OPA1: variants seen among roughly 807,000 people sequenced by gnomAD.
The protein encoded by OPA1 is dynamin-like GTPase OPA1, mitochondrial.
A neutral mutation model predicts 152.9 loss-of-function variants in OPA1; 59 were observed. The ratio of observed to expected loss-of-function variants is 0.39; its 90% CI spans 0.31 to 0.48. OPA1 has a LOEUF of 0.48. Ranked by LOEUF, OPA1 falls within the 20% of genes least tolerant of loss-of-function variation. The pLI is 0.96. For missense variants in OPA1, 1,008 were observed against 1,216.8 expected (o/e 0.83, Z 2.55); for synonymous variants, 400 against 389.9 (o/e 1.03, Z -0.31).
At chr3:193,620,773 GTTA>G (rs1729912913) in intron 6 of OPA1, among the ~76,000 whole-genome samples, 1 of 152,134 alleles carries the variant, frequency 6.6e-6, no homozygotes, top group African/African-American at 2.4e-5. Context: ...TTCAAATTCT[GTTA>G]TTAATAATAT....
Position 193,627,664 on chromosome 3 carries a change from A to G in OPA1, c.789+1462A>G, listed in dbSNP as rs188414204. 3.9e-5 allele frequency among the ~76,000 whole-genome samples: 6 copies of G among 152,316 alleles called. No individual in the cohort carries two copies. The East Asian group carries it at 1.2e-3, about 29-fold the overall frequency. On this transcript the variant is annotated intron_variant, in intron 7 of 30. Transcript: ENST00000361510. Reference sequence around the variant, plus strand: ...TATTTAACATTCTAAGATATGACTTAAGGTTAATGATGAGCTTTTGAATCT... The same window carrying G: ...TATTTAACATTCTAAGATATGACTTGAGGTTAATGATGAGCTTTTGAATCT...
chr3:193,597,646 G>C lies in OPA1; in HGVS notation c.32+4237G>C, dbSNP rs866874043. On this transcript the variant is annotated intron_variant, in intron 1 of 30. Transcript: ENST00000361510. The stretch of plus-strand genomic sequence containing the variant: ...GCGGAGGTTGCAGTGAGCAGAGATC[G>C]AGCCACTGCACTCCAACCTGGGTGA... Among the ~76,000 whole-genome samples, 2 of 145,018 alleles carry C rather than the reference G, an allele frequency of 1.4e-5. 1 individual carries two copies. Among genetic ancestry groups the C allele is most frequent in the African/African-American group, 5.2e-5 (2 of 38,696 alleles).
At chr3:193,622,901 T>C (rs1730409423) in intron 6 of OPA1, among the ~76,000 whole-genome samples, 1 of 152,184 alleles carries the variant, frequency 6.6e-6, no homozygotes, top group Non-Finnish European at 1.5e-5. Flanking sequence ...CCCTCAATTT[T>C]TTGCTCTCAT....
chr3:193,604,971 C>T (rs1011195569), intron 1 of OPA1, among the ~76,000 whole-genome samples: 4 of 152,010 alleles, frequency 2.6e-5, no homozygotes, highest in South Asian at 4.1e-4. Context: ...AATTTCCGGG[C>T]ACTCCTTAAT....
intron 21 of OPA1, 105 bp downstream of exon 21, chr3:193,648,976 C>A: frequency 1.2e-6 from 1 of 831,952 alleles, no homozygotes; most frequent in Non-Finnish European, 2.1e-6. Context: ...GTTGCCTTGG[C>A]TCATAGGCAA....
At chr3:193,662,004 G>C (rs1359681685) in intron 25 of OPA1, among the ~76,000 whole-genome samples, 1 of 151,912 alleles carries the variant, frequency 6.6e-6, no homozygotes, top group Non-Finnish European at 1.5e-5. Context: ...AGCTGTGATA[G>C]AGTTTGGGGC....
intron 29 of OPA1, among the ~76,000 whole-genome samples, chr3:193,691,162 A>C (rs750529151): frequency 2.0e-5 from 3 of 152,240 alleles, no homozygotes; most frequent in Non-Finnish European, 4.4e-5. Flanking sequence ...TTGAGGCTGC[A>C]GTAAGCCCTG....
chr3:193,669,438 A>G (rs1560051449), intron 29 of OPA1, among the ~76,000 whole-genome samples: 1 of 152,234 alleles, frequency 6.6e-6, no homozygotes, highest in Non-Finnish European at 1.5e-5. Flanking sequence ...TCAAATCTGA[A>G]TTGCCATTTA....
At position 193,696,757 on chromosome 3, in the gene OPA1, A is replaced by G. The variant is rs1170801087; in HGVS notation, c.*2157A>G. Reference sequence around the variant, plus strand: ...ATTTGTTTTTATGTCAGAATTTGCAAAGAGTGGAGTGGACAAAGCTCTGTA... The same window carrying G: ...ATTTGTTTTTATGTCAGAATTTGCAGAGAGTGGAGTGGACAAAGCTCTGTA... On this transcript the variant is annotated 3_prime_UTR_variant, in exon 31 of 31. Coordinates refer to ENST00000361510, the MANE Select transcript of OPA1 (RefSeq NM_130837.3). The G allele has an allele frequency of 6.6e-6, 1 of 152,244 alleles. No individual in the cohort carries two copies. Among genetic ancestry groups the G allele is most frequent in the African/African-American group, 2.4e-5 (1 of 41,464 alleles). 9.4% of individuals were successfully genotyped at this position (152,244 alleles called of 1,614,324 possible). A position where few individuals can be genotyped will look rare whatever the true frequency, so the allele number is the denominator to read the frequency against.
chr3:193,694,214 G>C (rs1235313164), intron 30 of OPA1, among the ~76,000 whole-genome samples: 1 of 152,148 alleles, frequency 6.6e-6, no homozygotes, highest in East Asian at 1.9e-4. Context: ...GCATTTAAAA[G>C]AATAAATCTG....
intron 6 of OPA1, among the ~76,000 whole-genome samples, chr3:193,621,514 C>G (rs1219186297): frequency 6.6e-6 from 1 of 152,158 alleles, no homozygotes; most frequent in Non-Finnish European, 1.5e-5. Flanking sequence ...ACGAATTAAT[C>G]AAGTTTCTTT....
chr3:193,682,450 T>C (rs1480587314), intron 29 of OPA1, among the ~76,000 whole-genome samples: 1 of 152,210 alleles, frequency 6.6e-6, no homozygotes, highest in African/African-American at 2.4e-5. Flanking sequence ...AGATTCTTGA[T>C]GCAGATGAAG....
intron 11 of OPA1, among the ~76,000 whole-genome samples, chr3:193,640,095 G>C (rs944084658): frequency 6.6e-6 from 1 of 152,136 alleles, no homozygotes; most frequent in South Asian, 2.1e-4. Flanking sequence ...ACAAGCAGTT[G>C]GGTATACAAG....
At position 193,637,185 on chromosome 3, in the gene OPA1, AT is replaced by A. The variant is rs1560363216; in HGVS notation, c.949-5del. On this transcript the variant is annotated splice_polypyrimidine_tract_variant and intron_variant, in intron 9 of 30. Transcript: ENST00000361510. Reference sequence around the variant, plus strand: ...CTGTTTTATATTATAACTTTTTAAAATTTTTACAGAAATCTTTGATTGACAT... The same window carrying A: ...CTGTTTTATATTATAACTTTTTAAAATTTTACAGAAATCTTTGATTGACAT... 6.5e-7 allele frequency: 1 copy of A among 1,531,538 alleles called. No homozygotes were observed. The highest frequency in any genetic ancestry group is 1.7e-5 in the Admixed American group (1 of 57,902). 94.9% of individuals were successfully genotyped at this position (1,531,538 alleles called of 1,614,324 possible).
intron 29 of OPA1, among the ~76,000 whole-genome samples, chr3:193,672,208 C>T (rs1048132167): frequency 1.4e-4 from 22 of 152,092 alleles, no homozygotes; most frequent in African/African-American, 1.9e-4. Flanking sequence ...CAAAGTTGTT[C>T]TTTCTATTAT....
At position 193,598,022 on chromosome 3, in the gene OPA1, A is replaced by C. The variant is rs1212247135; in HGVS notation, c.32+4613A>C. Among the ~76,000 whole-genome samples the C allele has an allele frequency of 3.9e-5, 6 of 152,206 alleles. No individual in the cohort carries two copies. In the East Asian group the frequency reaches 1.2e-3, roughly 29 times the overall value. Reference sequence around the variant, plus strand: ...CTTGAGCCCAGATACGTGGGGCTGCAGTGAGCCCTGATAATGCCATTGCAC... The same window carrying C: ...CTTGAGCCCAGATACGTGGGGCTGCCGTGAGCCCTGATAATGCCATTGCAC... On this transcript the variant is annotated intron_variant, in intron 1 of 30. Transcript: ENST00000361510.
intron 1 of OPA1, 99 bp downstream of exon 1, chr3:193,593,508 C>A: frequency 2.5e-6 from 3 of 1,186,412 alleles, no homozygotes; most frequent in Non-Finnish European, 2.3e-6. Flanking sequence ...GACTCTCAGG[C>A]CAGGCCGACG....
intron 1 of OPA1, among the ~76,000 whole-genome samples, chr3:193,599,653 T>C (rs1040480332): frequency 6.6e-6 from 1 of 152,220 alleles, no homozygotes; most frequent in Non-Finnish European, 1.5e-5. Flanking sequence ...ATTTGAGATT[T>C]ACTGTCTGGC....
intron 29 of OPA1, among the ~76,000 whole-genome samples, chr3:193,671,537 T>C (rs1281696820): frequency 1.3e-5 from 2 of 152,186 alleles, no homozygotes; most frequent in African/African-American, 4.8e-5. Context: ...GTTAGTGATA[T>C]TTGAAGGGGA....
Sources: gnomAD v4.1 joint callset for allele counts (sites outside exome capture counted in the v4.1 genomes callset) on GRCh38, gnomAD v4.1.1 for gene constraint, MANE v1.5 for transcripts, NCBI Gene and HGNC (gene_info 2026-07-23, HGNC 2026-07-21) for gene names.